The following LRRC4C variants were observed in gnomAD, a reference collection of about 807,000 sequenced individuals.
LRRC4C encodes the protein leucine rich repeat containing 4C.
In LRRC4C, 5 loss-of-function variants were observed where a neutral mutation model predicts 33.6. The ratio of observed to expected loss-of-function variants is 0.15; its 90% confidence interval spans 0.08 to 0.31. The LOEUF (loss-of-function observed/expected upper bound fraction) is 0.31, where lower values mean the gene tolerates loss of function less well. Ranked by LOEUF, LRRC4C falls within the 10% of genes least tolerant of loss-of-function variation. The pLI is 1.00. For synonymous variants in LRRC4C, 329 were observed against 302.0 expected, an observed-to-expected ratio of 1.09 and a Z score of -0.93; for missense variants, 560 against 796.7, an observed-to-expected ratio of 0.70 and a Z score of 3.58.
At chr11:41,014,224 A>T (rs114227750) in intron 1 of LRRC4C, among the ~76,000 whole-genome samples, 2,095 of 152,134 alleles carry the variant, frequency 0.014, 53 homozygotes, top group African/African-American at 0.048. Flanking sequence ...TAATGCCATC[A>T]CCTTGGAGGT....
chr11:40,186,651 G>A (rs550894149), intron 5 of LRRC4C, among the ~76,000 whole-genome samples: 5 of 152,066 alleles, frequency 3.3e-5, no homozygotes, highest in Admixed American at 3.3e-4. Context: ...CGCAATCTTT[G>A]CTCGGCCAGT....
Position 40,537,727 on chromosome 11 carries a change from G to GAT in LRRC4C, c.-270+110413_-270+110414dup, listed in dbSNP as rs376256431. On this transcript the variant is annotated intron_variant, in intron 3 of 6. Coordinates refer to ENST00000528697, the MANE Select transcript of LRRC4C (RefSeq NM_001258419.2). ...CTAAAGACAAATCTCAAAAACCCAT[G>GAT]ATATATATATATGTGGATCAGATGT... Among the ~76,000 whole-genome samples, 728 of 151,786 alleles carry GAT rather than the reference G, an allele frequency of 4.8e-3. 4 individuals carry two copies. Among genetic ancestry groups the GAT allele is most frequent in the Non-Finnish European group, 7.9e-3 (534 of 67,896 alleles).
Position 40,311,228 on chromosome 11 carries a change from C to T in LRRC4C, c.-176+8400G>A, listed in dbSNP as rs372534748. ...CTGCAGTATGGCAAGATAGCATATG[C>T]GTATATGGGCAAGCGTATCTATCTT... is the stretch of plus-strand genomic sequence containing the variant. On this transcript the variant is annotated intron_variant, in intron 4 of 6. Transcript: ENST00000528697. Among the ~76,000 whole-genome samples the T allele has an allele frequency of 3.0e-4, 46 of 152,268 alleles. No individual in the cohort carries two copies. In the East Asian group the frequency reaches 6.4e-3, roughly 21 times the overall value.
chr11:41,033,690 A>AT (rs1209424225), intron 1 of LRRC4C, among the ~76,000 whole-genome samples: 1 of 152,054 alleles, frequency 6.6e-6, no homozygotes, highest in Admixed American at 6.6e-5. Flanking sequence ...CAAGGCACTT[A>AT]TTTTTAGGGC....
intron 2 of LRRC4C, among the ~76,000 whole-genome samples, chr11:40,778,582 G>C (rs1407214691): frequency 6.6e-6 from 1 of 152,066 alleles, no homozygotes; most frequent in African/African-American, 2.4e-5. Flanking sequence ...AGTGAGCTAG[G>C]GCAAGCAAGA....
intron 1 of LRRC4C, among the ~76,000 whole-genome samples, chr11:41,276,520 C>T (rs981102922): frequency 6.6e-6 from 1 of 152,174 alleles, no homozygotes; most frequent in Non-Finnish European, 1.5e-5. Flanking sequence ...TCCTTCTTGG[C>T]ACATATCATT....
At chr11:40,541,405 C>A (rs972574694) in intron 3 of LRRC4C, among the ~76,000 whole-genome samples, 21 of 152,082 alleles carry the variant, frequency 1.4e-4, no homozygotes, top group African/African-American at 4.8e-4. Flanking sequence ...CCACTCCTGG[C>A]TGTTTTTAAT....
chr11:40,484,186 G>T (rs78924199), intron 3 of LRRC4C, among the ~76,000 whole-genome samples: 1,524 of 152,076 alleles, frequency 0.01, 10 homozygotes, highest in Non-Finnish European at 0.016. Flanking sequence ...TATTCCTTTC[G>T]ATCCAATAGT....
chr11:40,635,297 T>G (rs973056263), intron 3 of LRRC4C, among the ~76,000 whole-genome samples: 16 of 152,214 alleles, frequency 1.1e-4, no homozygotes, highest in Non-Finnish European at 2.9e-5. Context: ...TTAAGCTAGT[T>G]GTCTACAGGA....
At chr11:40,327,601 G>GTCAGTCCATCTGTCAGTCT (rs1408537728) in intron 3 of LRRC4C, among the ~76,000 whole-genome samples, 7 of 152,124 alleles carry the variant, frequency 4.6e-5, no homozygotes, top group South Asian at 2.1e-4. Context: ...TAGTCAGTTA[G>GTCAGTCCATCTGTCAGTCT]TCAGTCCATC....
At chr11:40,879,107 G>T (rs1436202332) in intron 2 of LRRC4C, among the ~76,000 whole-genome samples, 1 of 152,264 alleles carries the variant, frequency 6.6e-6, no homozygotes, top group Non-Finnish European at 1.5e-5. Context: ...GCCTTGAACA[G>T]TCATAGTCTC....
chr11:40,340,322 G>GT (rs1415953564), intron 3 of LRRC4C, among the ~76,000 whole-genome samples: 3 of 152,026 alleles, frequency 2.0e-5, no homozygotes, highest in Non-Finnish European at 4.4e-5. Context: ...ATATTGGTTA[G>GT]TATTTTTTTG....
chr11:40,235,301 C>A (rs1249353431), intron 5 of LRRC4C, among the ~76,000 whole-genome samples: 1 of 152,084 alleles, frequency 6.6e-6, no homozygotes. Flanking sequence ...ATAATGAATG[C>A]CCAATTAATG....
At chr11:40,269,597 G>C (rs965559442) in intron 4 of LRRC4C, among the ~76,000 whole-genome samples, 4 of 152,002 alleles carry the variant, frequency 2.6e-5, no homozygotes, top group Non-Finnish European at 5.9e-5. Context: ...CCCCTACAAT[G>C]ACACAAAATT....
intron 5 of LRRC4C, among the ~76,000 whole-genome samples, chr11:40,206,344 TCCTGCCTCAG>T (rs1460923834): frequency 6.6e-6 from 1 of 152,074 alleles, no homozygotes. Context: ...CCGGCAATTC[TCCTGCCTCAG>T]CCTGCCGAGT....
intron 1 of LRRC4C, among the ~76,000 whole-genome samples, chr11:41,239,413 A>T (rs1221000744): frequency 6.6e-6 from 1 of 150,742 alleles, no homozygotes; most frequent in South Asian, 2.1e-4. Context: ...GTCTACAAGG[A>T]TTTATTCCTA....
chr11:40,725,958 A>G (rs1947274383), intron 2 of LRRC4C, among the ~76,000 whole-genome samples: 1 of 152,144 alleles, frequency 6.6e-6, no homozygotes, highest in Admixed American at 6.5e-5. Flanking sequence ...CAAAATGACA[A>G]AAGTGACATT....
At chr11:40,658,094 TAAAG>T (rs1379685194) in intron 2 of LRRC4C, among the ~76,000 whole-genome samples, 2 of 152,148 alleles carry the variant, frequency 1.3e-5, no homozygotes, top group Non-Finnish European at 2.9e-5. Context: ...ATCATTAAAA[TAAAG>T]AATGTTATCT....
At chr11:40,386,592 G>A (rs1350797419) in intron 3 of LRRC4C, among the ~76,000 whole-genome samples, 1 of 152,024 alleles carries the variant, frequency 6.6e-6, no homozygotes. Flanking sequence ...GAGGATATTT[G>A]AACTAGAAAT....
Sources: allele counts gnomAD v4.1 joint callset (sites outside exome capture counted in the v4.1 genomes callset), GRCh38; gene constraint gnomAD v4.1.1; transcripts MANE v1.5; gene names NCBI Gene and HGNC (gene_info 2026-07-23, HGNC 2026-07-21).